Variants in SCMH1 observed in about 807,000 individuals in gnomAD.
SCMH1 encodes polycomb protein SCMH1.
In SCMH1, 37 loss-of-function variants were observed where a neutral mutation model predicts 70.8. That is an observed-to-expected ratio of 0.52 (90% CI 0.40 to 0.69). The LOEUF is 0.69. Ranked by LOEUF, SCMH1 falls within the 30% of genes least tolerant of loss-of-function variation. SCMH1 has a pLI of 0.00. For synonymous variants in SCMH1, 292 were observed against 307.4 expected (o/e 0.95, Z 0.52); for missense variants, 607 against 827.3 (o/e 0.73, Z 3.27).
intron 1 of SCMH1, among the ~76,000 whole-genome samples, chr1:41,229,812 A>G (rs1660968413): frequency 6.6e-6 from 1 of 152,154 alleles, no homozygotes; most frequent in Non-Finnish European, 1.5e-5. Context: ...GCAAATAAAT[A>G]ATTACATGTT....
At chr1:41,067,051 T>C (rs754111237) in intron 10 of SCMH1, among the ~76,000 whole-genome samples, 3 of 152,170 alleles carry the variant, frequency 2.0e-5, no homozygotes, top group Non-Finnish European at 2.9e-5. Flanking sequence ...TTATTCACAA[T>C]TGCAAAAACT....
chr1:41,187,968 C>A (rs1650705282), intron 1 of SCMH1, among the ~76,000 whole-genome samples: 1 of 151,938 alleles, frequency 6.6e-6, no homozygotes, highest in African/African-American at 2.4e-5. Flanking sequence ...GCCTGGGCAA[C>A]AGAAACACTG....
chr1:41,232,890 A>G (rs1434988856), intron 1 of SCMH1, among the ~76,000 whole-genome samples: 1 of 152,196 alleles, frequency 6.6e-6, no homozygotes, highest in Non-Finnish European at 1.5e-5. Flanking sequence ...ACAATTTCAC[A>G]TGCCTTTTGC....
At chr1:41,157,712 A>G (rs1005972178) in intron 4 of SCMH1, among the ~76,000 whole-genome samples, 3 of 152,220 alleles carry the variant, frequency 2.0e-5, no homozygotes, top group Non-Finnish European at 4.4e-5. Context: ...TTGGTCCCAT[A>G]TCTTTGCCCA....
At chr1:41,239,208 CTCA>C (rs1299091044) in intron 1 of SCMH1, among the ~76,000 whole-genome samples, 2 of 152,184 alleles carry the variant, frequency 1.3e-5, no homozygotes, top group Non-Finnish European at 2.9e-5. Context: ...AGCCTTACAA[CTCA>C]TCACTTATTG....
chr1:41,179,895 G>T (rs1648209194), intron 2 of SCMH1, among the ~76,000 whole-genome samples: 2 of 152,116 alleles, frequency 1.3e-5, no homozygotes, highest in Admixed American at 1.3e-4. Flanking sequence ...ACCAAAGTCT[G>T]GCAGAGACAC....
At chr1:41,173,873 C>T (rs1044697545) in intron 2 of SCMH1, among the ~76,000 whole-genome samples, 1 of 151,958 alleles carries the variant, frequency 6.6e-6, no homozygotes, top group African/African-American at 2.4e-5. Context: ...GAAAGAAATA[C>T]CACATGTTTT....
chr1:41,044,298 T>C (rs1445255491), intron 12 of SCMH1, among the ~76,000 whole-genome samples: 1 of 151,500 alleles, frequency 6.6e-6, no homozygotes, highest in Non-Finnish European at 1.5e-5. Context: ...AGGGCAGGAG[T>C]CATAAATACC....
chr1:41,118,894 TAAC>T (rs1404079063), intron 6 of SCMH1, among the ~76,000 whole-genome samples: 1 of 152,216 alleles, frequency 6.6e-6, no homozygotes, highest in Non-Finnish European at 1.5e-5. Context: ...AAGCTGGAAA[TAAC>T]AGCAGCAGCA....
intron 1 of SCMH1, among the ~76,000 whole-genome samples, chr1:41,233,520 C>G (rs146412015): frequency 6.6e-6 from 1 of 152,282 alleles, no homozygotes; most frequent in Admixed American, 6.5e-5. Flanking sequence ...TGGAGATGAT[C>G]TATTTTTAAT....
chr1:41,198,802 T>C (rs1193053447), intron 1 of SCMH1, among the ~76,000 whole-genome samples: 1 of 152,154 alleles, frequency 6.6e-6, no homozygotes, highest in Non-Finnish European at 1.5e-5. Context: ...TTCAACAAGA[T>C]CGTATTACAC....
intron 12 of SCMH1, among the ~76,000 whole-genome samples, chr1:41,040,988 G>C (rs1472196639): frequency 6.6e-6 from 1 of 152,126 alleles, no homozygotes; most frequent in Non-Finnish European, 1.5e-5. Context: ...CTGTCATCAG[G>C]AATATTTAAG....
chr1:41,160,739 C>G, intron 4 of SCMH1, 136 bp downstream of exon 4: 1 of 823,240 alleles, frequency 1.2e-6, no homozygotes, highest in East Asian at 2.7e-5. Flanking sequence ...ATTAGGCAGA[C>G]AAGAGCACAG....
chr1:41,063,722 C>T lies in SCMH1; in HGVS notation c.1105+6873G>A, dbSNP rs141589328. Among the ~76,000 whole-genome samples, 425 of 152,142 alleles carry T rather than the reference C, an allele frequency of 2.8e-3. 4 individuals carry two copies. Among genetic ancestry groups the T allele is most frequent in the African/African-American group, 9.7e-3 (402 of 41,510 alleles). On this transcript the variant is annotated intron_variant, in intron 10 of 14. Coordinates refer to ENST00000337495, the Ensembl canonical transcript of SCMH1. ...AACTCTATGTCCACAAATTTGATAA[C>T]CTAGATGAAATGAACTCATTCCTTC...
At chr1:41,099,166 T>C (rs951148573) in intron 8 of SCMH1, 2 of 213,850 alleles carry the variant, frequency 9.4e-6, no homozygotes, top group African/African-American at 4.6e-5. Flanking sequence ...TAAATGTATA[T>C]ATTTTCACCA....
exon 3 of SCMH1, chr1:41,161,369 T>C: frequency 2.6e-6 from 4 of 1,550,534 alleles, no homozygotes; most frequent in Non-Finnish European, 3.5e-6. Context: ...CTTACCTTGA[T>C]ATTGGGATGC....
At chr1:41,157,184 C>T (rs375074577) in intron 4 of SCMH1, among the ~76,000 whole-genome samples, 10 of 151,948 alleles carry the variant, frequency 6.6e-5, no homozygotes, top group East Asian at 1.9e-4. Flanking sequence ...CTATTCCTAC[C>T]GAAAGTACAC....
chr1:41,040,525 T>C (rs1309391272), intron 12 of SCMH1, among the ~76,000 whole-genome samples: 1 of 151,282 alleles, frequency 6.6e-6, no homozygotes, highest in Non-Finnish European at 1.5e-5. Context: ...ATACAGAGAG[T>C]AGAATGGGGG....
intron 1 of SCMH1, among the ~76,000 whole-genome samples, chr1:41,216,689 T>C (rs1658156839): frequency 6.6e-6 from 1 of 152,134 alleles, no homozygotes; most frequent in African/African-American, 2.4e-5. Flanking sequence ...GACACAAATA[T>C]GCTCTAAATG....
Sources: allele counts gnomAD v4.1 joint callset (sites outside exome capture counted in the v4.1 genomes callset), GRCh38; gene constraint gnomAD v4.1.1; transcripts MANE v1.5; gene names NCBI Gene and HGNC (gene_info 2026-07-23, HGNC 2026-07-21).